VPS25: variants seen among roughly 807,000 people sequenced by gnomAD.
VPS25 encodes the protein vacuolar protein-sorting-associated protein 25.
VPS25 carries 21 observed loss-of-function variants against 30.3 expected under a neutral mutation model. The ratio of observed to expected loss-of-function variants is 0.69; its 90% CI spans 0.49 to 1.00. VPS25 has a LOEUF of 1.00. VPS25 is among the 50% of genes least tolerant of loss of function. VPS25 has a pLI of 0.00. For missense variants in VPS25, 156 were observed against 217.2 expected (o/e 0.72, Z 1.77); for synonymous variants, 101 against 88.1 (o/e 1.15, Z -0.82).
At position 42,773,809 on chromosome 17, in the gene VPS25, C is replaced by T; in HGVS notation, c.130C>T (p.His44Tyr). ...GCTGGTCCTGTCCTTCTGCCGCCTG[C>T]ACAAACAGTCCAGCATGACGGTGAT... ...CSLVLSFCRLHKQSSMTVMEA... is the reference protein window; with the variant it reads ...CSLVLSFCRLYKQSSMTVMEA... Residue 44 changes from histidine (H) to tyrosine (Y), a missense_variant, in exon 2 of 6, where the codon CAC (histidine) becomes TAC (tyrosine). Coordinates refer to ENST00000253794, the MANE Select transcript of VPS25 (RefSeq NM_032353.4). 1 of 1,614,166 alleles carries T rather than the reference C, an allele frequency of 6.2e-7. No individual in the cohort carries two copies. Among genetic ancestry groups the T allele is most frequent in the Non-Finnish European group, 8.5e-7 (1 of 1,180,044 alleles).
intron 4 of VPS25, 69 bp from the exon 5 acceptor site, chr17:42,776,176 A>ATTT (rs745652104): frequency 1.8e-5 from 24 of 1,339,450 alleles, no homozygotes; most frequent in African/African-American, 2.9e-5. Flanking sequence ...AGAGGGGTGG[A>ATTT]GCTGATGAAT....
chr17:42,775,137 A>G, intron 3 of VPS25: 1 of 463,408 alleles, frequency 2.2e-6, no homozygotes, highest in Non-Finnish European at 3.9e-6. Flanking sequence ...CTCGACTCCC[A>G]GGCTCAAGTG....
At chr17:42,775,831 C>G (rs1404028297) in intron 4 of VPS25, among the ~76,000 whole-genome samples, 2 of 152,100 alleles carry the variant, frequency 1.3e-5, no homozygotes, top group African/African-American at 4.8e-5. Context: ...TGGGACTGTC[C>G]ACAACATGAA....
intron 3 of VPS25, 99 bp downstream of exon 3, chr17:42,774,798 C>A: frequency 1.8e-6 from 2 of 1,129,216 alleles, no homozygotes; most frequent in Non-Finnish European, 2.6e-6. Flanking sequence ...CTTTTTCTCT[C>A]TCCTGGCTTG....
At position 42,773,887 on chromosome 17, in the gene VPS25, C is replaced by T. The variant is rs772052772; in HGVS notation, c.199+9C>T. 6.2e-7 allele frequency: 1 copy of T among 1,611,046 alleles called. No individual in the cohort carries two copies. Among genetic ancestry groups the T allele is most frequent in the Non-Finnish European group, 8.5e-7 (1 of 1,179,554 alleles). On this transcript the variant is annotated intron_variant, in intron 2 of 5. Coordinates refer to ENST00000253794, the MANE Select transcript of VPS25 (RefSeq NM_032353.4). ...CAACGTCAAGCTACAGCGTATCCTC[C>T]CTCAGGCTCTTCCACAGCCCATACA...
At chr17:42,776,747 G>A (rs758766965) in intron 5 of VPS25, among the ~76,000 whole-genome samples, 6 of 147,290 alleles carry the variant, frequency 4.1e-5, no homozygotes, top group African/African-American at 7.5e-5. Flanking sequence ...TGCAACCTCC[G>A]CCTCCTATGT....
intron 3 of VPS25, chr17:42,775,153 C>T (rs892473807): frequency 6.2e-6 from 3 of 482,344 alleles, no homozygotes; most frequent in African/African-American, 2.0e-5. Context: ...AAGTGATCCT[C>T]CCATCTCAGC....
chr17:42,775,552 T>G (rs2054431488), intron 4 of VPS25, 83 bp downstream of exon 4: 3 of 1,197,424 alleles, frequency 2.5e-6, no homozygotes, highest in Non-Finnish European at 3.6e-6. Context: ...TAGCCGGTGT[T>G]CCCAGATCCA....
chr17:42,775,228 A>G, intron 3 of VPS25, 153 bp from the exon 4 acceptor site: 1 of 585,638 alleles, frequency 1.7e-6, no homozygotes, highest in Non-Finnish European at 3.0e-6. Context: ...TGTATTTTCT[A>G]TAGAGAGAAT....
rs543600234 is a variant in VPS25, at chr17:42,779,316, A to T, written c.*247A>T. 4.4e-6 allele frequency: 2 copies of T among 451,234 alleles called. No individual in the cohort carries two copies. Among genetic ancestry groups the T allele is most frequent in the South Asian group, 4.3e-5 (2 of 46,578 alleles). 28.0% of individuals were successfully genotyped at this position (451,234 alleles called of 1,614,324 possible). A position where few individuals can be genotyped will look rare whatever the true frequency, so the allele number is the denominator to read the frequency against. On this transcript the variant is annotated 3_prime_UTR_variant, in exon 6 of 6. Coordinates refer to ENST00000253794, the MANE Select transcript of VPS25 (RefSeq NM_032353.4). The stretch of plus-strand genomic sequence containing the variant: ...CGCCCTACCTCCTTTCCCATCCTAG[A>T]CTGTCCTTGAGCCAGGGTCTGTAAA...
At chr17:42,775,237 A>AT in intron 3 of VPS25, 144 bp from the exon 4 acceptor site, 3 of 600,140 alleles carry the variant, frequency 5.0e-6, no homozygotes, top group Admixed American at 3.1e-5. Flanking sequence ...TATAGAGAGA[A>AT]TTTTTTTGTA....
rs765590297 is a variant in VPS25 at position 42,773,909 on chromosome 17, T to C, written c.199+31T>C. ...CTCCCTCAGGCTCTTCCACAGCCCA[T>C]ACACATGCACTTCTGCGCTTTCACA... On this transcript the variant is annotated intron_variant, in intron 2 of 5. Coordinates refer to ENST00000253794, the MANE Select transcript of VPS25 (RefSeq NM_032353.4). 21 of 1,600,328 alleles carry C rather than the reference T, an allele frequency of 1.3e-5. No homozygotes were observed. The Admixed American group carries it at 1.7e-4, about 13-fold the overall frequency.
In VPS25 at chr17:42,779,117, T is replaced by A; in HGVS notation, c.*48T>A. The A allele has an allele frequency of 1.3e-6, 2 of 1,547,696 alleles. No individual in the cohort carries two copies. The highest frequency in any genetic ancestry group is 1.8e-6 in the Non-Finnish European group (2 of 1,131,508). ...TCTTACCTCCCACCTTTCCAGGGCT[T>A]TCAAAAGGAGACAGACCCAGTGTCC... On this transcript the variant is annotated 3_prime_UTR_variant, in exon 6 of 6. Transcript: ENST00000253794.
chr17:42,773,960 G>T (rs1245365617), intron 2 of VPS25, 82 bp downstream of exon 2: 4 of 1,504,326 alleles, frequency 2.7e-6, no homozygotes, highest in Non-Finnish European at 3.6e-6. Context: ...CCCCGCGCCA[G>T]CCCCCTTTTA....
Position 42,775,681 on chromosome 17 carries a change from C to T in VPS25, c.342+212C>T, listed in dbSNP as rs191128282. 1.4e-4 allele frequency among the ~76,000 whole-genome samples: 21 copies of T among 152,142 alleles called. No homozygotes were observed. The East Asian group carries it at 3.3e-3, about 24-fold the overall frequency. ...CTCCCTTTCTTTGCCTGTAGGAGGC[C>T]GGGGGCTATGTGAGGCCATATTTGG... On this transcript the variant is annotated intron_variant, in intron 4 of 5. Coordinates refer to ENST00000253794, the MANE Select transcript of VPS25 (RefSeq NM_032353.4).
At chr17:42,775,656 C>T (rs995333540) in intron 4 of VPS25, among the ~76,000 whole-genome samples, 187 bp downstream of exon 4, 1 of 152,298 alleles carries the variant, frequency 6.6e-6, no homozygotes, top group Middle Eastern at 3.4e-3. Context: ...TGCATAGAAC[C>T]TCCCTTTCTT....
Position 42,779,083 on chromosome 17 carries a change from C to T in VPS25, c.*14C>T. ...AAGTTCTTCTAGCAGGGACCTGTCT[C>T]CCTTTACTTCTTACCTCCCACCTTT... On this transcript the variant is annotated 3_prime_UTR_variant, in exon 6 of 6. Transcript: ENST00000253794. The T allele has an allele frequency of 6.2e-7, 1 of 1,609,680 alleles. No homozygotes were observed. The highest frequency in any genetic ancestry group is 8.5e-7 in the Non-Finnish European group (1 of 1,176,988).
Position 42,776,253 on chromosome 17 carries a change from G to T in VPS25, c.351G>T (p.Arg117Ser). The T allele has an allele frequency of 6.2e-7, 1 of 1,613,454 alleles. No homozygotes were observed. The highest frequency in any genetic ancestry group is 8.5e-7 in the Non-Finnish European group (1 of 1,179,976). The change falls in exon 5 of 6, where the codon AGG (arginine) becomes AGT (serine). Residue 117 changes from arginine to serine, a missense_variant. By Grantham distance (110) the Arg-to-Ser change is moderately radical. Transcript: ENST00000253794. ...WGKLIYQWVS[R>S]SGQNNSVFTL... Reference sequence around the variant, plus strand: ...ATTTTCTGTATTCACAGGTTTCCAGGAGTGGCCAGAACAACTCCGTCTTTA... The same window carrying T: ...ATTTTCTGTATTCACAGGTTTCCAGTAGTGGCCAGAACAACTCCGTCTTTA...
rs1393759999 is a variant in VPS25, at chr17:42,773,491, G to C, written c.16G>C (p.Glu6Gln). 6.2e-7 allele frequency: 1 copy of C among 1,614,134 alleles called. No homozygotes were observed. The highest frequency in any genetic ancestry group is 1.7e-5 in the Admixed American group (1 of 60,016). The change falls in exon 1 of 6, where the codon GAG becomes CAG. Residue 6 changes from glutamate (E) to glutamine (Q), a missense_variant. By Grantham distance (29) the Glu-to-Gln change is conservative (BLOSUM62 2). Transcript: ENST00000253794. ...GGCTACTACGATGGCGATGAGTTTC[G>C]AGTGGCCGTGGCAGTATCGCTTCCC... Reference protein sequence around the residue: MAMSFEWPWQYRFPPF... With the variant: MAMSFQWPWQYRFPPF...
Sources: gnomAD v4.1 joint callset for allele counts (sites outside exome capture counted in the v4.1 genomes callset) on GRCh38, gnomAD v4.1.1 for gene constraint, MANE v1.5 for transcripts, NCBI Gene and HGNC (gene_info 2026-07-23, HGNC 2026-07-21) for gene names.